The following DOCK1 variants were observed in gnomAD, a reference collection of about 807,000 sequenced individuals.
DOCK1 encodes the protein dedicator of cytokinesis 1.
A neutral mutation model predicts 262.7 loss-of-function variants in DOCK1; 138 were observed. The ratio of observed to expected loss-of-function variants is 0.53; its 90% confidence interval spans 0.46 to 0.61. The LOEUF (loss-of-function observed/expected upper bound fraction) is 0.61, where lower values mean the gene tolerates loss of function less well. Ranked by LOEUF, DOCK1 falls within the 20% of genes least tolerant of loss-of-function variation. The pLI, the probability that DOCK1 is intolerant of heterozygous loss-of-function variation, is 0.00. For synonymous variants in DOCK1, 866 were observed against 867.4 expected (o/e 1.00, Z 0.03); for missense variants, 1,908 against 2,370.7 (o/e 0.80, Z 4.05).
chr10:127,242,436 A>G (rs916180907), intron 27 of DOCK1, among the ~76,000 whole-genome samples: 1 of 152,200 alleles, frequency 6.6e-6, no homozygotes, highest in African/African-American at 2.4e-5. Context: ...AGAGAAAGCC[A>G]TTGTGCTCTG....
At position 127,365,619 on chromosome 10, in the gene DOCK1, A is replaced by G. The variant is rs536244265; in HGVS notation, c.3432+3407A>G. On this transcript the variant is annotated intron_variant, in intron 33 of 51. Transcript: ENST00000623213. ...TAAGGTCAAAAGTGTTTAAAACATC[A>G]TTCTATTTGTCATTTTTTAATCAGT... Among the ~76,000 whole-genome samples the G allele has an allele frequency of 2.0e-5, 3 of 152,338 alleles. No individual in the cohort carries two copies. In the South Asian group the frequency reaches 6.2e-4, roughly 32 times the overall value.
At chr10:127,364,049 C>T (rs2064750299) in intron 33 of DOCK1, among the ~76,000 whole-genome samples, 2 of 152,242 alleles carry the variant, frequency 1.3e-5, no homozygotes, top group Non-Finnish European at 1.5e-5. Context: ...GGATGCTTCT[C>T]TTCTCTCAAG....
At chr10:127,362,882 TCCCCACACACAC>T (rs1565026687) in intron 33 of DOCK1, among the ~76,000 whole-genome samples, 2 of 3,612 alleles carry the variant, frequency 5.5e-4, no homozygotes, top group Admixed American at 3.4e-3. Flanking sequence ...CACATACACA[TCCCCACACACAC>T]ACACATGTAC....
At chr10:127,417,107 G>A (rs11017982) in intron 44 of DOCK1, among the ~76,000 whole-genome samples, 19 of 152,298 alleles carry the variant, frequency 1.2e-4, no homozygotes, top group African/African-American at 2.9e-4. Flanking sequence ...CAGGCAGTCC[G>A]CTAGAGGCTG....
intron 40 of DOCK1, among the ~76,000 whole-genome samples, chr10:127,405,960 G>T (rs910657656): frequency 6.6e-6 from 1 of 152,190 alleles, no homozygotes; most frequent in Non-Finnish European, 1.5e-5. Flanking sequence ...AGACAAATTT[G>T]AAATTAGCTT....
chr10:127,394,681 C>G (rs7919573), intron 38 of DOCK1, among the ~76,000 whole-genome samples: 62,943 of 152,036 alleles, frequency 0.41, 13,728 homozygotes, highest in Middle Eastern at 0.54. Flanking sequence ...AGTAATTGAT[C>G]ATCAAAGCAT....
chr10:127,163,089 T>C (rs1287113257), intron 27 of DOCK1, among the ~76,000 whole-genome samples: 3 of 152,196 alleles, frequency 2.0e-5, no homozygotes, highest in South Asian at 2.1e-4. Context: ...AGCACCTTGT[T>C]TGTGGCTCTC....
intron 16 of DOCK1, among the ~76,000 whole-genome samples, chr10:127,028,484 T>G (rs1279710420): frequency 6.6e-6 from 1 of 152,198 alleles, no homozygotes; most frequent in East Asian, 1.9e-4. Context: ...ATGAGGAAAC[T>G]GGGGCTTGGA....
rs758743165 is a variant in DOCK1, at chr10:127,404,449, A to G, written c.4122+20A>G. 9 of 1,604,978 alleles carry G rather than the reference A, an allele frequency of 5.6e-6. No individual in the cohort carries two copies. Among genetic ancestry groups the G allele is most frequent in the Non-Finnish European group, 7.7e-6 (9 of 1,174,022 alleles). ...CTGCGGGTAAAGTTTGGTTCTGCCT[A>G]ATCTGAGCCATGATTGTTCCCCCAG... On this transcript the variant is annotated intron_variant, in intron 40 of 51. Transcript: ENST00000623213.
intron 29 of DOCK1, among the ~76,000 whole-genome samples, chr10:127,289,881 T>G (rs1012134288): frequency 2.6e-5 from 4 of 152,058 alleles, no homozygotes; most frequent in Non-Finnish European, 4.4e-5. Flanking sequence ...TTTTTTTTTT[T>G]TTACTTTATT....
intron 1 of DOCK1, among the ~76,000 whole-genome samples, chr10:126,930,847 C>A (rs950007674): frequency 2.0e-5 from 3 of 152,142 alleles, no homozygotes; most frequent in African/African-American, 7.2e-5. Context: ...GTGAGTACCC[C>A]CTACTGGGTT....
intron 27 of DOCK1, among the ~76,000 whole-genome samples, chr10:127,204,447 C>T (rs2057619285): frequency 6.6e-6 from 1 of 152,082 alleles, no homozygotes; most frequent in Non-Finnish European, 1.5e-5. Context: ...CCACCACACC[C>T]AGCTAATCTT....
At chr10:127,326,996 TA>T (rs1380744467) in intron 29 of DOCK1, among the ~76,000 whole-genome samples, 1 of 152,220 alleles carries the variant, frequency 6.6e-6, no homozygotes, top group African/African-American at 2.4e-5. Context: ...ACAGTGGGCT[TA>T]AAACATTCAG....
chr10:126,954,916 C>T (rs1285403285), intron 1 of DOCK1, among the ~76,000 whole-genome samples: 28 of 152,110 alleles, frequency 1.8e-4, no homozygotes, highest in Non-Finnish European at 3.5e-4. Context: ...TTCAAGTCCC[C>T]GCTTTCAGTT....
intron 51 of DOCK1, among the ~76,000 whole-genome samples, chr10:127,450,021 G>C (rs753999826): frequency 6.6e-6 from 1 of 152,208 alleles, no homozygotes; most frequent in Non-Finnish European, 1.5e-5. Context: ...CTATCAGTGA[G>C]TGTGGCTTTC....
intron 28 of DOCK1, among the ~76,000 whole-genome samples, chr10:127,254,709 C>T (rs866281273): frequency 3.9e-5 from 6 of 152,188 alleles, no homozygotes; most frequent in African/African-American, 9.6e-5. Flanking sequence ...AAATCTGTGG[C>T]TGGTCCTTGT....
intron 23 of DOCK1, among the ~76,000 whole-genome samples, chr10:127,085,244 A>C (rs545194817): frequency 1.2e-4 from 18 of 152,320 alleles, no homozygotes; most frequent in African/African-American, 4.1e-4. Context: ...CCAACTAAAC[A>C]AATTATATCC....
chr10:126,910,452 G>A (rs11245225), intron 1 of DOCK1, among the ~76,000 whole-genome samples: 3 of 152,190 alleles, frequency 2.0e-5, no homozygotes, highest in South Asian at 4.1e-4. Context: ...ACACTTGTAC[G>A]CTGTTCCCAC....
rs1251947370 is a variant in DOCK1, at chr10:126,962,537, T to A, written c.47-8165T>A. Among the ~76,000 whole-genome samples, 121 of 152,286 alleles carry A rather than the reference T, an allele frequency of 7.9e-4. 1 individual carries two copies. The highest frequency in any genetic ancestry group is 8.8e-5 in the Non-Finnish European group (6 of 68,026). On this transcript the variant is annotated intron_variant, in intron 1 of 51. Transcript: ENST00000623213. ...GTCTCTAACTCCTGACCTCAAGTGA[T>A]CCACCTGCCTCAGCCTCCCAAAGTG... is the stretch of plus-strand genomic sequence containing the variant.
Sources: gnomAD v4.1 joint callset for allele counts (sites outside exome capture counted in the v4.1 genomes callset) on GRCh38, gnomAD v4.1.1 for gene constraint, MANE v1.5 for transcripts, NCBI Gene and HGNC (gene_info 2026-07-23, HGNC 2026-07-21) for gene names.